Variants in TENM3 observed in about 807,000 individuals in gnomAD.
The protein encoded by TENM3 is teneurin transmembrane protein 3.
Under a neutral mutation model 255.1 loss-of-function variants are expected in TENM3, and 63 were observed. The ratio of observed to expected loss-of-function variants is 0.25; its 90% CI spans 0.20 to 0.30. The LOEUF (loss-of-function observed/expected upper bound fraction) is 0.30. Ranked by LOEUF, TENM3 falls within the 10% of genes least tolerant of loss-of-function variation. TENM3 has a pLI of 1.00. For synonymous variants in TENM3, 1,306 were observed against 1,322.3 expected (o/e 0.99, Z 0.27); for missense variants, 2,929 against 3,461.1 (o/e 0.85, Z 3.86).
At chr4:182,230,936 C>T (rs1756533632) in intron 1 of TENM3, among the ~76,000 whole-genome samples, 1 of 148,262 alleles carries the variant, frequency 6.7e-6, no homozygotes, top group Non-Finnish European at 1.5e-5. Flanking sequence ...GGGTGCAGCC[C>T]TGCCTCATAA....
the TENM3 span, among the ~76,000 whole-genome samples, chr4:181,998,293 C>T: frequency 6.6e-6 from 1 of 152,088 alleles, no homozygotes; most frequent in African/African-American, 2.4e-5. Flanking sequence ...CTAAGAGGGA[C>T]CATGCCCACA....
chr4:182,386,772 C>T (rs1435717967), intron 3 of TENM3, among the ~76,000 whole-genome samples: 1 of 152,230 alleles, frequency 6.6e-6, no homozygotes, highest in Non-Finnish European at 1.5e-5. Flanking sequence ...CTCGCCGGGC[C>T]TTAGCTGCCT....
intron 3 of TENM3, among the ~76,000 whole-genome samples, chr4:182,493,681 A>G (rs1735503851): frequency 6.6e-6 from 1 of 152,208 alleles, no homozygotes; most frequent in Admixed American, 6.5e-5. Context: ...TTATGAAGTC[A>G]TTAAATACAG....
intron 3 of TENM3, among the ~76,000 whole-genome samples, chr4:182,428,053 T>C (rs1771360861): frequency 6.6e-6 from 1 of 152,138 alleles, no homozygotes; most frequent in South Asian, 2.1e-4. Flanking sequence ...GTATTTGCTA[T>C]AAATACAACA....
chr4:182,104,503 CTTTTTTTTTTTTTTTTTT>C, the TENM3 span, among the ~76,000 whole-genome samples: 37 of 66,190 alleles, frequency 5.6e-4, 1 homozygote, highest in African/African-American at 2.3e-3. Context: ...ACTGTTGACT[CTTTTTTTTTTTTTTTTTT>C]TTTTTTTTGA....
chr4:182,020,298 G>A, the TENM3 span, among the ~76,000 whole-genome samples: 45 of 151,914 alleles, frequency 3.0e-4, no homozygotes, highest in African/African-American at 6.0e-4. Context: ...CCCAGGAGGC[G>A]GAGGTTGCAG....
chr4:182,275,798 A>G (rs1339097580), intron 1 of TENM3, among the ~76,000 whole-genome samples: 1 of 152,034 alleles, frequency 6.6e-6, no homozygotes, highest in South Asian at 2.1e-4. Context: ...TTAACTGGGC[A>G]TGGTGCCGCA....
chr4:182,096,608 C>T, the TENM3 span, among the ~76,000 whole-genome samples: 1 of 152,120 alleles, frequency 6.6e-6, no homozygotes, highest in African/African-American at 2.4e-5. Flanking sequence ...TATTGCGCAT[C>T]CTTTACCATC....
the TENM3 span, among the ~76,000 whole-genome samples, chr4:181,858,151 C>T: frequency 1.9e-4 from 29 of 152,284 alleles, no homozygotes; most frequent in South Asian, 1.2e-3. Flanking sequence ...CAGGCTGGAG[C>T]GCAGTGGTGC....
At chr4:181,629,419 T>G in the TENM3 span, among the ~76,000 whole-genome samples, 2 of 152,174 alleles carry the variant, frequency 1.3e-5, no homozygotes, top group South Asian at 2.1e-4. Flanking sequence ...TGTGCCAGTT[T>G]TCAAAGGGAA....
chr4:181,481,343 T>C, the TENM3 span, among the ~76,000 whole-genome samples: 276 of 152,244 alleles, frequency 1.8e-3, no homozygotes, highest in Non-Finnish European at 3.0e-3. Flanking sequence ...TCTATGAGTA[T>C]ATGGCTTAAT....
the TENM3 span, among the ~76,000 whole-genome samples, chr4:182,019,518 G>A: frequency 2.6e-5 from 4 of 152,124 alleles, no homozygotes; most frequent in Non-Finnish European, 5.9e-5. Context: ...GTTTTCCACT[G>A]CAACATTTTG....
At chr4:181,829,610 T>A in the TENM3 span, among the ~76,000 whole-genome samples, 2 of 152,178 alleles carry the variant, frequency 1.3e-5, no homozygotes, top group Non-Finnish European at 2.9e-5. Flanking sequence ...CAACAAATGA[T>A]TCTTGCCTAG....
the TENM3 span, among the ~76,000 whole-genome samples, chr4:181,458,625 G>T: frequency 2.0e-5 from 3 of 151,884 alleles, no homozygotes; most frequent in South Asian, 6.2e-4. Context: ...TGACCACTTG[G>T]CCTCCCCACT....
the TENM3 span, among the ~76,000 whole-genome samples, chr4:181,878,677 C>A: frequency 6.6e-6 from 1 of 152,006 alleles, no homozygotes; most frequent in Non-Finnish European, 1.5e-5. Flanking sequence ...ATTCATCTAT[C>A]TATATATAAT....
At chr4:182,767,952 T>A (rs1763863752) in intron 22 of TENM3, among the ~76,000 whole-genome samples, 1 of 152,220 alleles carries the variant, frequency 6.6e-6, no homozygotes, top group Non-Finnish European at 1.5e-5. Flanking sequence ...TTTCAGTGAC[T>A]CTCACTCCGG....
intron 19 of TENM3, among the ~76,000 whole-genome samples, chr4:182,750,065 C>T (rs982308781): frequency 3.9e-5 from 6 of 152,164 alleles, no homozygotes; most frequent in Non-Finnish European, 7.3e-5. Flanking sequence ...TAAGCTGCCA[C>T]ATTAAGGGAT....
At chr4:182,122,495 A>T in the TENM3 span, among the ~76,000 whole-genome samples, 4 of 152,284 alleles carry the variant, frequency 2.6e-5, no homozygotes, top group Admixed American at 2.0e-4. Context: ...GCGCATCTCC[A>T]TCAGAGCTCT....
chr4:182,642,817 A>G lies in TENM3; in HGVS notation c.989-10954A>G, dbSNP rs139695352. 7.1e-3 allele frequency among the ~76,000 whole-genome samples: 1,088 copies of G among 152,362 alleles called. 11 individuals carry two copies. The highest frequency in any genetic ancestry group is 0.025 in the African/African-American group (1,027 of 41,584). ...AATTTTATTTTCCTTAATGACAACT[A>G]GAGTGCATATTAATATGAAAGCTTT... On this transcript the variant is annotated intron_variant, in intron 5 of 27. Transcript: ENST00000511685.
Sources: allele counts gnomAD v4.1 joint callset (sites outside exome capture counted in the v4.1 genomes callset), GRCh38; gene constraint gnomAD v4.1.1; transcripts MANE v1.5; gene names NCBI Gene and HGNC (gene_info 2026-07-23, HGNC 2026-07-21).